Variants in MYO7B observed in about 807,000 individuals in gnomAD.
MYO7B encodes unconventional myosin-VIIb.
In MYO7B, 212 loss-of-function variants were observed where a neutral mutation model predicts 259.7. The ratio of observed to expected loss-of-function variants is 0.82; its 90% confidence interval spans 0.73 to 0.91. MYO7B has a LOEUF of 0.91. Among genes scored for constraint, MYO7B ranks in the 40% least tolerant of loss-of-function variants. The pLI is 0.00. For missense variants in MYO7B, 2,732 were observed against 2,813.5 expected (o/e 0.97, Z 0.66); for synonymous variants, 1,197 against 1,166.4 (o/e 1.03, Z -0.54).
intron 19 of MYO7B, among the ~76,000 whole-genome samples, chr2:127,603,421 A>G (rs1211714659): frequency 2.0e-5 from 3 of 152,252 alleles, no homozygotes; most frequent in Non-Finnish European, 4.4e-5. Context: ...GTTCACAGGC[A>G]TAACAACATT....
chr2:127,569,796 T>A lies in MYO7B; in HGVS notation c.478T>A (p.Ser160Thr). 1.2e-6 allele frequency: 2 copies of A among 1,610,932 alleles called. No individual in the cohort carries two copies. The highest frequency in any genetic ancestry group is 1.7e-6 in the Non-Finnish European group (2 of 1,178,066). ...RDQCCIISGE[S>T]GAGKTETTKL... is the part of the protein sequence containing the mutation. The stretch of plus-strand genomic sequence containing the variant: ...TGCACACCCTTTTTGCAGCGGCGAG[T>A]CTGGGGCTGGCAAGACGGAGACCAC... Residue 160 changes from serine (S) to threonine (T), a missense_variant, in exon 6 of 48, where the codon TCT (serine) becomes ACT (threonine). Around this residue, in one of 3 missense-constraint regions of MYO7B, gnomAD observed 1,906 missense variants for 2,026.4 expected, o/e 0.94. Coordinates refer to ENST00000409816, the MANE Select transcript of MYO7B (RefSeq NM_001393586.1).
At chr2:127,579,097 G>C (rs558152833) in intron 9 of MYO7B, among the ~76,000 whole-genome samples, 1 of 152,270 alleles carries the variant, frequency 6.6e-6, no homozygotes, top group East Asian at 1.9e-4. Context: ...TGGAGGGAAA[G>C]TCAGGAGAAA....
At chr2:127,596,683 A>G in intron 19 of MYO7B, 127 bp downstream of exon 19, 2 of 724,406 alleles carry the variant, frequency 2.8e-6, no homozygotes, top group South Asian at 3.2e-5. Context: ...GAGATCTTCC[A>G]ATGCCTTCCA....
Position 127,634,224 on chromosome 2 carries a change from A to G in MYO7B, c.5560A>G (p.Ile1854Val). ...NTRVRDVCDS[I>V]ATRLQLASWE... Reference sequence around the variant, plus strand: ...ACGGGTGCGGGATGTGTGTGACAGCATTGCCACCAGGCTGCAGCTGGCCTC... The same window carrying G: ...ACGGGTGCGGGATGTGTGTGACAGCGTTGCCACCAGGCTGCAGCTGGCCTC... The change falls in exon 41 of 48, where the codon ATT (isoleucine) becomes GTT (valine). Residue 1854 changes from isoleucine to valine, a missense_variant. Physicochemically the swap from Ile to Val is conservative, Grantham distance 29. Coordinates refer to ENST00000409816, the MANE Select transcript of MYO7B (RefSeq NM_001393586.1). 1 of 1,599,702 alleles carries G rather than the reference A, an allele frequency of 6.3e-7. No homozygotes were observed. Among genetic ancestry groups the G allele is most frequent in the Non-Finnish European group, 8.5e-7 (1 of 1,175,990 alleles).
At chr2:127,557,331 T>C (rs1677869101) in intron 1 of MYO7B, among the ~76,000 whole-genome samples, 1 of 152,146 alleles carries the variant, frequency 6.6e-6, no homozygotes, top group Admixed American at 6.5e-5. Context: ...TTTTCTTAAA[T>C]TGGACTTTAC....
intron 1 of MYO7B, among the ~76,000 whole-genome samples, chr2:127,551,846 C>T (rs1693456167): frequency 6.6e-6 from 1 of 152,106 alleles, no homozygotes; most frequent in Non-Finnish European, 1.5e-5. Context: ...TGGAAAGGAG[C>T]TTTGAAATAG....
chr2:127,623,271 G>T lies in MYO7B; in HGVS notation c.3715G>T (p.Val1239Leu). The T allele has an allele frequency of 6.2e-7, 1 of 1,613,576 alleles. No individual in the cohort carries two copies. The highest frequency in any genetic ancestry group is 8.5e-7 in the Non-Finnish European group (1 of 1,179,768). ...CACTGGAGAGAGCCTAACCGTCCCC[G>T]TGGACTCAGCCTCCACATCTCGGGA... ...LATGESLTVP[V>L]DSASTSREMC... is the part of the protein sequence containing the mutation. Residue 1239 changes from valine to leucine, a missense_variant, in exon 29 of 48, where the codon GTG becomes TTG. Physicochemically the swap from Val to Leu is conservative, Grantham distance 32. Transcript: ENST00000409816.
rs781023199 is a variant in MYO7B at position 127,628,574 on chromosome 2, T to TGGGGG, written c.4624+40_4624+44dup. The TGGGGG allele has an allele frequency of 1.1e-4, 2 of 18,908 alleles. No homozygotes were observed. Among genetic ancestry groups the TGGGGG allele is most frequent in the African/African-American group, 4.4e-4 (1 of 2,266 alleles). The allele number at this position is 18,908 out of a possible 1,614,324, so 1.2% of individuals were successfully genotyped here. On this transcript the variant is annotated intron_variant, in intron 34 of 47. Coordinates refer to ENST00000409816, the MANE Select transcript of MYO7B (RefSeq NM_001393586.1). The surrounding 1 kb of genome is among the most constrained non-coding windows in gnomAD (Gnocchi z 4.8). Reference sequence around the variant, plus strand: ...TGGGGTGGGGTGGGGTGGGGTGGGGTGGGGGAGGGCCGCGCATGGGGTCTG... The same window carrying TGGGGG: ...TGGGGTGGGGTGGGGTGGGGTGGGGTGGGGGGGGGGAGGGCCGCGCATGGGGTCTG...
rs13401253 is a variant in MYO7B at position 127,590,470 on chromosome 2, G to A, written c.1992+241G>A. On this transcript the variant is annotated intron_variant, in intron 16 of 47. Transcript: ENST00000409816. This position sits in a 1 kb window ranked among gnomAD's most constrained non-coding sequence, Gnocchi z 4.6. ...TAGCTCCGCCATGCATCTTCTGTGC[G>A]TTCTTGGCCTGGCTCTTTGCTGCTG... 0.012 allele frequency among the ~76,000 whole-genome samples: 1,814 copies of A among 152,360 alleles called. 39 individuals are homozygous for A. Among genetic ancestry groups the A allele is most frequent in the African/African-American group, 0.041 (1,697 of 41,580 alleles).
At chr2:127,558,436 G>A (rs1677917977) in intron 1 of MYO7B, among the ~76,000 whole-genome samples, 1 of 152,214 alleles carries the variant, frequency 6.6e-6, no homozygotes. Context: ...AAAACAGTGT[G>A]GAGATTCCTT....
chr2:127,602,468 T>C (rs1337419688), intron 19 of MYO7B, among the ~76,000 whole-genome samples: 1 of 152,028 alleles, frequency 6.6e-6, no homozygotes, highest in African/African-American at 2.4e-5. Context: ...GTCAACGTAG[T>C]GAGAACTCAT....
At position 127,585,823 on chromosome 2, in the gene MYO7B, AATG is replaced by A. The variant is rs1314129878; in HGVS notation, c.1690+914_1690+916del. Among the ~76,000 whole-genome samples the A allele has an allele frequency of 2.6e-5, 4 of 152,178 alleles. No homozygotes were observed. Among genetic ancestry groups the A allele is most frequent in the African/African-American group, 4.8e-5 (2 of 41,426 alleles). On this transcript the variant is annotated intron_variant, in intron 14 of 47. Transcript: ENST00000409816. This position sits in a 1 kb window ranked among gnomAD's most constrained non-coding sequence, Gnocchi z 4.3. ...TTTGCATCTGCATCCCCCGATGGCTAATGATGTTGATCGCCTTTTCATATGCTT... is the reference window on the plus strand; with the variant it reads ...TTTGCATCTGCATCCCCCGATGGCTAATGTTGATCGCCTTTTCATATGCTT...
chr2:127,632,317 T>G lies in MYO7B; in HGVS notation c.5321T>G (p.Leu1774Arg), dbSNP rs1275543435. The G allele has an allele frequency of 1.9e-6, 3 of 1,609,260 alleles. No individual in the cohort carries two copies. The highest frequency in any genetic ancestry group is 4.5e-5 in the East Asian group (2 of 44,830). ...TGLFPPSKGL[L>R]PHAQKFIDTR... Reference sequence around the variant, plus strand: ...CTCTTCCCGCCCAGCAAGGGGCTGCTGCCCCATGCCCAGAAGTTTATAGAC... The same window carrying G: ...CTCTTCCCGCCCAGCAAGGGGCTGCGGCCCCATGCCCAGAAGTTTATAGAC... Residue 1774 changes from leucine (L) to arginine (R), a missense_variant, in exon 39 of 48, where the codon CTG (leucine) becomes CGG (arginine). Coordinates refer to ENST00000409816, the MANE Select transcript of MYO7B (RefSeq NM_001393586.1).
chr2:127,573,648 A>G (rs1573639381), intron 6 of MYO7B, among the ~76,000 whole-genome samples: 1 of 152,096 alleles, frequency 6.6e-6, no homozygotes, highest in Non-Finnish European at 1.5e-5. Context: ...AGTTCTGTCT[A>G]CCTTCCACTG....
At chr2:127,603,397 A>C (rs1216951144) in intron 19 of MYO7B, among the ~76,000 whole-genome samples, 2 of 152,234 alleles carry the variant, frequency 1.3e-5, no homozygotes, top group East Asian at 3.8e-4. Flanking sequence ...CATGGGCTGC[A>C]GAATGGATGC....
chr2:127,563,078 C>T (rs1678174120), intron 2 of MYO7B, among the ~76,000 whole-genome samples: 1 of 152,128 alleles, frequency 6.6e-6, no homozygotes, highest in Admixed American at 6.5e-5. Context: ...TTTCATTCGG[C>T]TCTGCCAACT....
chr2:127,624,981 G>A (rs1681033866), intron 30 of MYO7B, among the ~76,000 whole-genome samples: 1 of 152,336 alleles, frequency 6.6e-6, no homozygotes, highest in African/African-American at 2.4e-5. Context: ...TCTTCCAGAG[G>A]GAAGGGGCTC....
At position 127,626,973 on chromosome 2, in the gene MYO7B, A is replaced by G; in HGVS notation, c.4216-2A>G. 6.2e-7 allele frequency: 1 copy of G among 1,609,076 alleles called. No individual in the cohort carries two copies. The highest frequency in any genetic ancestry group is 2.2e-5 in the East Asian group (1 of 44,688). On this transcript the variant is annotated splice_acceptor_variant, in intron 31 of 47. Coordinates refer to ENST00000409816, the MANE Select transcript of MYO7B (RefSeq NM_001393586.1). LOFTEE classifies it high-confidence loss of function. ...GAGGTGACATCCAGGATCCCCCCTCAGGCCCCATACACTCAGAAGCAAGTC... is the reference window on the plus strand; with the variant it reads ...GAGGTGACATCCAGGATCCCCCCTCGGGCCCCATACACTCAGAAGCAAGTC...
At position 127,622,524 on chromosome 2, in the gene MYO7B, G is replaced by A. The variant is rs187497371; in HGVS notation, c.3645+423G>A. Among the ~76,000 whole-genome samples, 417 of 152,254 alleles carry A rather than the reference G, an allele frequency of 2.7e-3. 4 individuals carry two copies. The South Asian group carries it at 0.029, about 11-fold the overall frequency. On this transcript the variant is annotated intron_variant, in intron 28 of 47. Coordinates refer to ENST00000409816, the MANE Select transcript of MYO7B (RefSeq NM_001393586.1). Reference sequence around the variant, plus strand: ...GCAACTGTGTCATCTGTGAATTCTCGCTGTTTTCTCAGGAAGGGTCATTCA... The same window carrying A: ...GCAACTGTGTCATCTGTGAATTCTCACTGTTTTCTCAGGAAGGGTCATTCA...
Sources: allele counts gnomAD v4.1 joint callset (sites outside exome capture counted in the v4.1 genomes callset), GRCh38; gene constraint gnomAD v4.1.1; regional missense constraint gnomAD v4.1.1; non-coding constraint Gnocchi (gnomAD v3.1); transcripts MANE v1.5; gene names NCBI Gene and HGNC (gene_info 2026-07-23, HGNC 2026-07-21).